The following SOX6 variants were observed in gnomAD, a reference collection of about 807,000 sequenced individuals.
SOX6 encodes transcription factor SOX-6.
Under a neutral mutation model 97.8 loss-of-function variants are expected in SOX6, and 11 were observed. The ratio of observed to expected loss-of-function variants is 0.11; its 90% CI spans 0.07 to 0.19. The LOEUF is 0.19. Ranked by LOEUF, SOX6 falls within the 10% of genes least tolerant of loss-of-function variation. The pLI, the probability that SOX6 is intolerant of heterozygous loss-of-function variation, is 1.00. For missense variants in SOX6, 810 were observed against 1,039.5 expected (o/e 0.78, Z 3.04); for synonymous variants, 360 against 371.4 (o/e 0.97, Z 0.35).
At chr11:16,448,404 A>C (rs10766324) in intron 1 of SOX6, among the ~76,000 whole-genome samples, 30,870 of 151,406 alleles carry the variant, frequency 0.2, 3,377 homozygotes, top group Admixed American at 0.32. Context: ...CAATATCACT[A>C]CTCTCATTTT....
upstream of SOX6, among the ~76,000 whole-genome samples, chr11:16,480,994 T>C (rs1260417767): frequency 1.3e-5 from 2 of 152,190 alleles, no homozygotes; most frequent in African/African-American, 4.8e-5. Context: ...TGGTCTTTTA[T>C]ATATCAGAAT....
chr11:16,723,041 T>C (rs997863062), intron 2 of SOX6, among the ~76,000 whole-genome samples: 1 of 152,212 alleles, frequency 6.6e-6, no homozygotes, highest in Non-Finnish European at 1.5e-5. Context: ...TTCATTGCAG[T>C]ACTATTCACA....
chr11:16,553,290 A>T (rs1847710403), intron 4 of SOX6, among the ~76,000 whole-genome samples: 1 of 152,224 alleles, frequency 6.6e-6, no homozygotes. Context: ...CTGTGCACCC[A>T]AAGTCAGCTA....
intron 3 of SOX6, among the ~76,000 whole-genome samples, chr11:16,680,388 C>T (rs1847917259): frequency 1.3e-5 from 2 of 152,138 alleles, no homozygotes; most frequent in Non-Finnish European, 2.9e-5. Context: ...AAATAAAATC[C>T]TCTACAGACA....
At chr11:16,437,561 G>A (rs987108655) in intron 1 of SOX6, among the ~76,000 whole-genome samples, 1 of 152,176 alleles carries the variant, frequency 6.6e-6, no homozygotes, top group Non-Finnish European at 1.5e-5. Flanking sequence ...ATACTAAGTA[G>A]TTTAGTTTCT....
At chr11:16,388,680 T>C (rs1010318341) in intron 1 of SOX6, among the ~76,000 whole-genome samples, 1 of 152,176 alleles carries the variant, frequency 6.6e-6, no homozygotes, top group African/African-American at 2.4e-5. Flanking sequence ...TATTTTCTTA[T>C]TGTCTGTTTA....
At chr11:16,572,840 G>A (rs1847950863) in intron 4 of SOX6, among the ~76,000 whole-genome samples, 1 of 151,948 alleles carries the variant, frequency 6.6e-6, no homozygotes, top group East Asian at 1.9e-4. Flanking sequence ...TAACATAATG[G>A]CCATTTGTAC....
intron 6 of SOX6, among the ~76,000 whole-genome samples, chr11:16,158,350 TC>T (rs1198385314): frequency 6.6e-6 from 1 of 151,954 alleles, no homozygotes; most frequent in Admixed American, 6.6e-5. Context: ...AGGGTATGAC[TC>T]CCAGGTACAA....
At chr11:16,701,138 C>G (rs978790116) in intron 3 of SOX6, among the ~76,000 whole-genome samples, 1 of 152,168 alleles carries the variant, frequency 6.6e-6, no homozygotes, top group Non-Finnish European at 1.5e-5. Context: ...ATAATCATTA[C>G]CATTCATACA....
intron 1 of SOX6, among the ~76,000 whole-genome samples, chr11:16,403,747 C>T (rs1222541573): frequency 1.3e-5 from 2 of 151,544 alleles, no homozygotes; most frequent in African/African-American, 2.4e-5. Context: ...AAAAATAATG[C>T]TAATTTAAGA....
At chr11:16,618,348 A>G (rs1848497340) in intron 3 of SOX6, among the ~76,000 whole-genome samples, 1 of 151,980 alleles carries the variant, frequency 6.6e-6, no homozygotes, top group Non-Finnish European at 1.5e-5. Context: ...TCTTTTTAAC[A>G]TATAATATAG....
rs917954641 is a variant in SOX6, at chr11:15,968,343, C to T, written c.*4466G>A. 6.6e-6 allele frequency: 1 copy of T among 152,172 alleles called. No homozygotes were observed. Among genetic ancestry groups the T allele is most frequent in the African/African-American group, 2.4e-5 (1 of 41,442 alleles). The allele number at this position is 152,172 out of a possible 1,614,324, so 9.4% of individuals were successfully genotyped here. A position where few individuals can be genotyped will look rare whatever the true frequency, so the allele number is the denominator to read the frequency against. ...ACCCAGTAGTAATTTCAATACATTC[C>T]TCTAGCTGCATTTCTTTGCAGTTGT... On this transcript the variant is annotated 3_prime_UTR_variant, in exon 16 of 16. Coordinates refer to ENST00000683767, the MANE Select transcript of SOX6 (RefSeq NM_001367873.1).
At chr11:16,346,372 C>T (rs542158113) in intron 1 of SOX6, among the ~76,000 whole-genome samples, 11 of 152,138 alleles carry the variant, frequency 7.2e-5, no homozygotes, top group Non-Finnish European at 1.2e-4. Flanking sequence ...AAACCCTCTT[C>T]TTCTATCTCT....
chr11:15,978,255 C>A (rs1009061747), intron 15 of SOX6, among the ~76,000 whole-genome samples: 1 of 151,940 alleles, frequency 6.6e-6, no homozygotes, highest in Non-Finnish European at 1.5e-5. Context: ...AAAAAGTTGT[C>A]TTTCTTCATT....
chr11:16,213,574 C>G lies in SOX6; in HGVS notation c.535+21008G>C, dbSNP rs117288700. Among the ~76,000 whole-genome samples the G allele has an allele frequency of 2.0e-5, 3 of 152,286 alleles. No homozygotes were observed. In the East Asian group the frequency reaches 5.8e-4, roughly 29 times the overall value. ...AAGGATCAGCTTTCCCATTAGCCAT[C>G]AGTGGAGATGAGAAAATTTCAAGTA... On this transcript the variant is annotated intron_variant, in intron 4 of 15. Transcript: ENST00000683767.
chr11:16,318,343 T>C (rs902506044), intron 3 of SOX6, 103 bp downstream of exon 3: 40 of 1,246,244 alleles, frequency 3.2e-5, no homozygotes, highest in Non-Finnish European at 4.4e-5. Context: ...TAGTGACAAT[T>C]ATGCACTTCT....
chr11:16,275,149 G>A (rs904685107), intron 3 of SOX6, among the ~76,000 whole-genome samples: 3 of 151,988 alleles, frequency 2.0e-5, no homozygotes, highest in African/African-American at 7.2e-5. Flanking sequence ...CACAAAGTAA[G>A]GATTCTTCGC....
At chr11:16,043,101 AG>A (rs1855721392) in intron 12 of SOX6, among the ~76,000 whole-genome samples, 1 of 152,160 alleles carries the variant, frequency 6.6e-6, no homozygotes, top group Non-Finnish European at 1.5e-5. Context: ...CTTAGCTCTG[AG>A]GAGACTTAGA....
At chr11:16,260,224 T>C (rs1853841274) in intron 3 of SOX6, among the ~76,000 whole-genome samples, 1 of 151,924 alleles carries the variant, frequency 6.6e-6, no homozygotes, top group Non-Finnish European at 1.5e-5. Flanking sequence ...ATGGTCTCGA[T>C]CTCCTGACCT....
Sources: allele counts gnomAD v4.1 joint callset (sites outside exome capture counted in the v4.1 genomes callset), GRCh38; gene constraint gnomAD v4.1.1; transcripts MANE v1.5; gene names NCBI Gene and HGNC (gene_info 2026-07-23, HGNC 2026-07-21).